The following ELK3 variants were observed in gnomAD, a reference collection of about 807,000 sequenced individuals.
The protein encoded by ELK3 is ETS domain-containing protein Elk-3.
In ELK3, 10 loss-of-function variants were observed where a neutral mutation model predicts 28.9. The observed-to-expected ratio is 0.35, with a 90% CI of 0.21 to 0.59. ELK3 has a LOEUF of 0.59. Among genes scored for constraint, ELK3 ranks in the 20% least tolerant of loss-of-function variants. The pLI, the probability that ELK3 is intolerant of heterozygous loss-of-function variation, is 0.82. For missense variants in ELK3, 463 were observed against 517.3 expected (o/e 0.90, Z 1.02); for synonymous variants, 272 against 243.5 (o/e 1.12, Z -1.09).
intron 1 of ELK3, among the ~76,000 whole-genome samples, chr12:96,222,272 C>G (rs1951667465): frequency 3.3e-5 from 5 of 152,180 alleles, no homozygotes. Flanking sequence ...TGAGAAGGCC[C>G]TATTTGAGCT....
At chr12:96,249,701 C>T (rs1951888830) in intron 3 of ELK3, among the ~76,000 whole-genome samples, 1 of 7,974 alleles carries the variant, frequency 1.3e-4, no homozygotes. Context: ...CTTCTCAGAA[C>T]AGAGTGAGGC....
intron 1 of ELK3, among the ~76,000 whole-genome samples, chr12:96,215,500 G>C (rs1396616694): frequency 1.3e-5 from 2 of 152,154 alleles, no homozygotes; most frequent in Non-Finnish European, 2.9e-5. Flanking sequence ...GTAGGCGGAG[G>C]CGGGCACAGC....
At chr12:96,234,538 C>T (rs1951766979) in intron 2 of ELK3, among the ~76,000 whole-genome samples, 1 of 152,184 alleles carries the variant, frequency 6.6e-6, no homozygotes, top group South Asian at 2.1e-4. Flanking sequence ...ACGGCCTCTC[C>T]CCCACCCCTG....
rs376080824 is a variant in ELK3 at position 96,233,226 on chromosome 12, G to A, written c.207+9453G>A. On this transcript the variant is annotated intron_variant, in intron 2 of 4. Transcript: ENST00000228741. Reference sequence around the variant, plus strand: ...GTGGGCAACTGTCTTTTGCTCACGAGAAGCTGAAGACACGGGTTCTCTCTG... The same window carrying A: ...GTGGGCAACTGTCTTTTGCTCACGAAAAGCTGAAGACACGGGTTCTCTCTG... 6.0e-4 allele frequency among the ~76,000 whole-genome samples: 91 copies of A among 152,312 alleles called. 1 individual carries two copies. The highest frequency in any genetic ancestry group is 2.1e-3 in the African/African-American group (89 of 41,566).
At chr12:96,225,171 G>A (rs569906306) in intron 2 of ELK3, among the ~76,000 whole-genome samples, 11 of 152,326 alleles carry the variant, frequency 7.2e-5, no homozygotes, top group African/African-American at 1.9e-4. Context: ...AACTGGGGCC[G>A]CTGAAGGAAA....
At chr12:96,218,826 T>C (rs959837823) in intron 1 of ELK3, among the ~76,000 whole-genome samples, 5 of 151,980 alleles carry the variant, frequency 3.3e-5, no homozygotes, top group African/African-American at 1.2e-4. Flanking sequence ...TTTTTTGTAT[T>C]TTTAGTAGAG....
intron 1 of ELK3, 168 bp from the exon 2 acceptor site, chr12:96,223,397 T>C (rs1737661931): frequency 3.2e-6 from 2 of 627,238 alleles, no homozygotes; most frequent in African/African-American, 1.8e-5. Context: ...GCCAGGAAGC[T>C]CCTGGTTCAG....
In ELK3 at chr12:96,259,930, G is replaced by A. The variant is rs189356553; in HGVS notation, c.1125+77G>A. The A allele has an allele frequency of 4.4e-5, 65 of 1,483,760 alleles. No individual in the cohort carries two copies. In the East Asian group the frequency reaches 1.4e-3, roughly 32 times the overall value. The allele number at this position is 1,483,760 out of a possible 1,614,324, so 91.9% of individuals were successfully genotyped here. On this transcript the variant is annotated intron_variant, in intron 4 of 4. Coordinates refer to ENST00000228741, the MANE Select transcript of ELK3 (RefSeq NM_005230.4). ...TTTCTCTAAATCCTGCAGAGGTAAC[G>A]GTGAGTTTTGCCATATGTTGAGTTG...
At chr12:96,197,199 T>C (rs1951476737) in intron 1 of ELK3, among the ~76,000 whole-genome samples, 2 of 152,160 alleles carry the variant, frequency 1.3e-5, no homozygotes, top group South Asian at 4.1e-4. Context: ...TTGGGACACA[T>C]AGGTTCATTT....
chr12:96,219,830 G>A (rs748749337), intron 1 of ELK3, among the ~76,000 whole-genome samples: 15 of 152,158 alleles, frequency 9.9e-5, no homozygotes, highest in Admixed American at 3.3e-4. Context: ...GATTTCCACC[G>A]GGAAGGCTAC....
At chr12:96,203,102 C>T (rs754479964) in intron 1 of ELK3, among the ~76,000 whole-genome samples, 13 of 151,802 alleles carry the variant, frequency 8.6e-5, no homozygotes, top group South Asian at 2.1e-4. Flanking sequence ...AGGCTGGTCT[C>T]GAACTCCTGA....
At chr12:96,217,136 A>G (rs1027414654) in intron 1 of ELK3, among the ~76,000 whole-genome samples, 5 of 152,242 alleles carry the variant, frequency 3.3e-5, no homozygotes, top group African/African-American at 1.2e-4. Flanking sequence ...CTGTAGCCCA[A>G]GCTACTTGGG....
intron 2 of ELK3, among the ~76,000 whole-genome samples, chr12:96,226,601 C>T (rs1223889817): frequency 6.6e-6 from 1 of 152,162 alleles, no homozygotes; most frequent in Admixed American, 6.5e-5. Context: ...CATGCACACA[C>T]ACATATGCCC....
intron 3 of ELK3, among the ~76,000 whole-genome samples, chr12:96,252,818 GAA>G (rs534721366): frequency 6.0e-4 from 91 of 152,336 alleles, no homozygotes; most frequent in Middle Eastern, 6.8e-3. Context: ...AAAGGACTGA[GAA>G]TATTACATAA....
At chr12:96,253,926 C>T (rs974703291) in intron 3 of ELK3, among the ~76,000 whole-genome samples, 1 of 152,162 alleles carries the variant, frequency 6.6e-6, no homozygotes, top group Non-Finnish European at 1.5e-5. Context: ...GGTTGCTGTC[C>T]AGCATACGGG....
chr12:96,234,447 A>G (rs550233445), intron 2 of ELK3, among the ~76,000 whole-genome samples: 1 of 152,228 alleles, frequency 6.6e-6, no homozygotes, highest in South Asian at 2.1e-4. Context: ...GTGGTTGTGT[A>G]GACAAACTCA....
At position 96,247,293 on chromosome 12, in the gene ELK3, C is replaced by G; in HGVS notation, c.561C>G (p.Thr187=). 6.2e-7 allele frequency: 1 copy of G among 1,614,226 alleles called. No homozygotes were observed. Among genetic ancestry groups the G allele is most frequent in the Non-Finnish European group, 8.5e-7 (1 of 1,180,040 alleles). The change falls in exon 3 of 5, where the codon ACC becomes ACG. Residue 187 remains threonine (T), a synonymous_variant. Coordinates refer to ENST00000228741, the MANE Select transcript of ELK3 (RefSeq NM_005230.4). The surrounding 1 kb of genome is among the most constrained non-coding windows in gnomAD (Gnocchi z 5.5). ...EEVRTVIRFV[T]NKTDKHVTRP... Reference sequence around the variant, plus strand: ...TCAGGACTGTGATCAGGTTTGTGACCAATAAAACCGACAAGCACGTCACCA... The same window carrying G: ...TCAGGACTGTGATCAGGTTTGTGACGAATAAAACCGACAAGCACGTCACCA...
intron 1 of ELK3, among the ~76,000 whole-genome samples, chr12:96,208,240 C>T (rs1231504363): frequency 2.0e-5 from 3 of 152,072 alleles, no homozygotes; most frequent in South Asian, 2.1e-4. Flanking sequence ...TCAGTAGAGA[C>T]GGGGTTTCGC....
intron 4 of ELK3, among the ~76,000 whole-genome samples, chr12:96,266,010 ATT>A (rs1340062914): frequency 4.6e-5 from 7 of 152,216 alleles, no homozygotes; most frequent in Non-Finnish European, 8.8e-5. Context: ...TGTGTTGCTT[ATT>A]AGCTGTGTGA....
Sources: gnomAD v4.1 joint callset for allele counts (sites outside exome capture counted in the v4.1 genomes callset) on GRCh38, gnomAD v4.1.1 for gene constraint, Gnocchi (gnomAD v3.1) non-coding constraint, MANE v1.5 for transcripts, NCBI Gene and HGNC (gene_info 2026-07-23, HGNC 2026-07-21) for gene names.